Variants in HEMK2 observed in about 807,000 individuals in gnomAD.
HEMK2 encodes HemK methyltransferase 2, ETF1 glutamine and histone H4 lysine, also known as methyltransferase HEMK2.
the HEMK2 span, among the ~76,000 whole-genome samples, chr21:28,665,521 C>T: frequency 7.3e-5 from 11 of 150,498 alleles, no homozygotes; most frequent in Non-Finnish European, 1.3e-4. Context: ...GTGGGTGCAG[C>T]GCACCAACAT....
At chr21:28,693,575 T>C in the HEMK2 span, among the ~76,000 whole-genome samples, 14 of 152,354 alleles carry the variant, frequency 9.2e-5, no homozygotes, top group East Asian at 2.3e-3. Context: ...GCAGCAATAA[T>C]GTTAAAATGA....
chr21:28,763,007 A>T, the HEMK2 span, among the ~76,000 whole-genome samples: 3 of 152,120 alleles, frequency 2.0e-5, no homozygotes, highest in African/African-American at 7.2e-5. Context: ...AAGCCCAGAG[A>T]AAAATGGCAC....
At chr21:28,796,995 T>C in the HEMK2 span, among the ~76,000 whole-genome samples, 2 of 152,212 alleles carry the variant, frequency 1.3e-5, no homozygotes, top group Admixed American at 6.5e-5. Context: ...TTATTCTGTT[T>C]TGTTGGTAGC....
At chr21:28,802,605 C>A in the HEMK2 span, among the ~76,000 whole-genome samples, 4 of 152,116 alleles carry the variant, frequency 2.6e-5, no homozygotes, top group Non-Finnish European at 5.9e-5. Flanking sequence ...GTGGCATGAG[C>A]CTGTAGTCCC....
chr21:28,843,761 C>T, the HEMK2 span, among the ~76,000 whole-genome samples: 1 of 152,074 alleles, frequency 6.6e-6, no homozygotes, highest in Non-Finnish European at 1.5e-5. Flanking sequence ...TATTACTATT[C>T]ATGGTTGGGA....
chr21:28,727,496 T>A, the HEMK2 span, among the ~76,000 whole-genome samples: 14 of 152,170 alleles, frequency 9.2e-5, no homozygotes, highest in African/African-American at 1.4e-4. Context: ...CAACAAAAAA[T>A]ACATTAGCTA....
chr21:28,616,590 A>T, the HEMK2 span, among the ~76,000 whole-genome samples: 1 of 152,174 alleles, frequency 6.6e-6, no homozygotes, highest in Non-Finnish European at 1.5e-5. Flanking sequence ...CCTGTGCTGA[A>T]ATGCTAGCCT....
At chr21:28,843,049 A>C in the HEMK2 span, among the ~76,000 whole-genome samples, 3 of 152,176 alleles carry the variant, frequency 2.0e-5, no homozygotes, top group African/African-American at 7.2e-5. Context: ...TCCTTTAAAT[A>C]AGAAAAGTAA....
the HEMK2 span, among the ~76,000 whole-genome samples, chr21:28,686,568 A>C: frequency 6.6e-6 from 1 of 152,180 alleles, no homozygotes; most frequent in Non-Finnish European, 1.5e-5. Context: ...TCTCAGCATA[A>C]ATTTCTTTAT....
the HEMK2 span, chr21:28,879,803 C>A: frequency 8.3e-7 from 1 of 1,198,904 alleles, no homozygotes; most frequent in East Asian, 2.7e-5. Context: ...CATAGGATGA[C>A]ATTCATTTGA....
At chr21:28,590,056 G>A in the HEMK2 span, among the ~76,000 whole-genome samples, 4 of 152,204 alleles carry the variant, frequency 2.6e-5, no homozygotes, top group Admixed American at 1.3e-4. Flanking sequence ...GAGGCTGGAC[G>A]TGCCAATAAC....
chr21:28,836,423 A>G, the HEMK2 span, among the ~76,000 whole-genome samples: 1 of 152,214 alleles, frequency 6.6e-6, no homozygotes, highest in Admixed American at 6.5e-5. Context: ...TCTTTTTTAG[A>G]CAAACAAATG....
chr21:28,647,737 A>G, the HEMK2 span, among the ~76,000 whole-genome samples: 14 of 152,216 alleles, frequency 9.2e-5, no homozygotes, highest in Non-Finnish European at 7.4e-5. Flanking sequence ...GGACACCACA[A>G]CCATACACAC....
the HEMK2 span, among the ~76,000 whole-genome samples, chr21:28,735,788 T>G: frequency 2.0e-5 from 3 of 152,166 alleles, no homozygotes; most frequent in Admixed American, 6.5e-5. Context: ...CTCAACGGAT[T>G]TGGAAAGTTG....
the HEMK2 span, among the ~76,000 whole-genome samples, chr21:28,631,392 T>C: frequency 1.3e-5 from 2 of 152,216 alleles, no homozygotes; most frequent in South Asian, 4.1e-4. Context: ...CAACCAGGAT[T>C]CTCTACTTCA....
At chr21:28,727,390 G>T in the HEMK2 span, among the ~76,000 whole-genome samples, 1 of 152,174 alleles carries the variant, frequency 6.6e-6, no homozygotes, top group Non-Finnish European at 1.5e-5. Flanking sequence ...TCAACTCTTT[G>T]GTTTGGTTAC....
chr21:28,744,435 G>A, the HEMK2 span, among the ~76,000 whole-genome samples: 14 of 152,160 alleles, frequency 9.2e-5, 1 homozygote, highest in South Asian at 2.3e-3. Flanking sequence ...GTTAATTGCC[G>A]AACACTTTCA....
the HEMK2 span, among the ~76,000 whole-genome samples, chr21:28,863,455 T>TTC: frequency 1.1e-5 from 1 of 92,418 alleles, no homozygotes; most frequent in Non-Finnish European, 2.1e-5. Context: ...TATATATATA[T>TTC]ATATATATAT....
At chr21:28,679,727 G>C in the HEMK2 span, among the ~76,000 whole-genome samples, 1 of 152,158 alleles carries the variant, frequency 6.6e-6, no homozygotes. Context: ...AATCGAACTA[G>C]AACTCAGGAT....
Sources: allele counts gnomAD v4.1 joint callset (sites outside exome capture counted in the v4.1 genomes callset), GRCh38; gene constraint gnomAD v4.1.1; transcripts MANE v1.5; gene names NCBI Gene and HGNC (gene_info 2026-07-23, HGNC 2026-07-21).